GPC6: variants seen among roughly 807,000 people sequenced by gnomAD.
GPC6 encodes glypican-6.
Under a neutral mutation model 55.2 loss-of-function variants are expected in GPC6, and 14 were observed. The ratio of observed to expected loss-of-function variants is 0.25; its 90% CI spans 0.17 to 0.40. The LOEUF (loss-of-function observed/expected upper bound fraction) is 0.40. GPC6 is among the 10% of genes least tolerant of loss of function. The pLI is 1.00. For missense variants in GPC6, 641 were observed against 708.5 expected, an observed-to-expected ratio of 0.90 and a Z score of 1.08; for synonymous variants, 278 against 259.6, an observed-to-expected ratio of 1.07 and a Z score of -0.68.
At chr13:94,194,853 A>G (rs1889515496) in intron 4 of GPC6, among the ~76,000 whole-genome samples, 1 of 151,810 alleles carries the variant, frequency 6.6e-6, no homozygotes, top group South Asian at 2.1e-4. Context: ...TGTGTTGTGT[A>G]TCTGTGTATG....
At chr13:93,895,240 A>G (rs201139091) in intron 3 of GPC6, among the ~76,000 whole-genome samples, 7,200 of 49,264 alleles carry the variant, frequency 0.15, 792 homozygotes, top group East Asian at 0.35. Flanking sequence ...GTGTGTATAT[A>G]TATATATATA....
At chr13:94,380,502 G>A (rs1443854892) in intron 6 of GPC6, among the ~76,000 whole-genome samples, 1 of 151,878 alleles carries the variant, frequency 6.6e-6, no homozygotes, top group African/African-American at 2.4e-5. Context: ...TCTTCATCTA[G>A]CTTTGCCGGA....
At position 93,727,922 on chromosome 13, in the gene GPC6, T is replaced by A. The variant is rs576717708; in HGVS notation, c.320-102232T>A. Among the ~76,000 whole-genome samples the A allele has an allele frequency of 3.3e-5, 5 of 152,088 alleles. No homozygotes were observed. In the South Asian group the frequency reaches 1.0e-3, roughly 32 times the overall value. ...CTTCCTGGCTGCTTCACAGAGAGAG[T>A]CACTATCCCCTCTAGCCTGTTTGCT... On this transcript the variant is annotated intron_variant, in intron 2 of 8. Transcript: ENST00000377047.
At chr13:93,278,646 G>T (rs1358737852) in intron 1 of GPC6, among the ~76,000 whole-genome samples, 2 of 152,012 alleles carry the variant, frequency 1.3e-5, no homozygotes, top group Admixed American at 1.3e-4. Context: ...TTTAATTAGT[G>T]TCATGAATTT....
chr13:94,308,574 A>C (rs1479059479), intron 6 of GPC6, among the ~76,000 whole-genome samples: 2 of 152,238 alleles, frequency 1.3e-5, no homozygotes, highest in African/African-American at 2.4e-5. Context: ...TAAATCAATA[A>C]GCCAATTTTA....
intron 3 of GPC6, among the ~76,000 whole-genome samples, chr13:93,887,788 C>A (rs193126571): frequency 1.3e-5 from 2 of 152,230 alleles, no homozygotes; most frequent in African/African-American, 4.8e-5. Flanking sequence ...GTTTGGATTT[C>A]TCATTGTGTA....
At chr13:93,949,993 G>A (rs1398604081) in intron 3 of GPC6, among the ~76,000 whole-genome samples, 2 of 152,140 alleles carry the variant, frequency 1.3e-5, no homozygotes, top group African/African-American at 4.8e-5. Context: ...CTCCCAAAGT[G>A]GACTACAGAC....
intron 2 of GPC6, among the ~76,000 whole-genome samples, chr13:93,660,260 A>G (rs1039298458): frequency 1.3e-5 from 2 of 151,904 alleles, no homozygotes; most frequent in Non-Finnish European, 2.9e-5. Context: ...TTATGAACCA[A>G]TTTTCCTGGC....
chr13:93,261,176 A>G (rs1185673766), intron 1 of GPC6, among the ~76,000 whole-genome samples: 1 of 152,154 alleles, frequency 6.6e-6, no homozygotes, highest in Admixed American at 6.6e-5. Flanking sequence ...AGCCAATTCT[A>G]TGAGATATGG....
intron 1 of GPC6, among the ~76,000 whole-genome samples, chr13:93,341,107 A>G (rs888940837): frequency 6.6e-6 from 1 of 152,204 alleles, no homozygotes; most frequent in South Asian, 2.1e-4. Context: ...ATAGCTGAGC[A>G]GTATTCCATG....
intron 2 of GPC6, among the ~76,000 whole-genome samples, chr13:93,646,162 C>T (rs1024127940): frequency 1.3e-5 from 2 of 152,094 alleles, no homozygotes; most frequent in Admixed American, 6.6e-5. Context: ...TTTATATTAT[C>T]TGCAGTCATA....
chr13:93,438,164 G>A (rs899208490), intron 1 of GPC6, among the ~76,000 whole-genome samples: 1 of 152,112 alleles, frequency 6.6e-6, no homozygotes, highest in African/African-American at 2.4e-5. Flanking sequence ...CATTGACAAT[G>A]CACCTGGTCA....
At chr13:93,655,256 C>T (rs890261638) in intron 2 of GPC6, among the ~76,000 whole-genome samples, 1 of 152,066 alleles carries the variant, frequency 6.6e-6, no homozygotes, top group Admixed American at 6.6e-5. Context: ...AACACAAATG[C>T]TTTCATTGCC....
chr13:93,274,995 A>T (rs1041296889), intron 1 of GPC6, among the ~76,000 whole-genome samples: 12 of 152,206 alleles, frequency 7.9e-5, no homozygotes, highest in African/African-American at 2.7e-4. Flanking sequence ...GGAAAGACTG[A>T]ATCACAAGAT....
At chr13:94,004,712 A>G (rs532779874) in intron 3 of GPC6, among the ~76,000 whole-genome samples, 34 of 152,260 alleles carry the variant, frequency 2.2e-4, no homozygotes, top group Admixed American at 3.3e-4. Flanking sequence ...CAGGAAGGTT[A>G]AAATCAGACT....
In GPC6 at chr13:94,403,327, C is replaced by T. The variant is rs1881232429; in HGVS notation, c.*110C>T. The T allele has an allele frequency of 7.4e-6, 6 of 815,876 alleles. No homozygotes were observed. In the African/African-American group the frequency reaches 8.4e-5, roughly 11 times the overall value. 50.5% of individuals were successfully genotyped at this position (815,876 alleles called of 1,614,324 possible). A position where few individuals can be genotyped will look rare whatever the true frequency, so the allele number is the denominator to read the frequency against. On this transcript the variant is annotated 3_prime_UTR_variant, in exon 9 of 9. Coordinates refer to ENST00000377047, the MANE Select transcript of GPC6 (RefSeq NM_005708.5). ...CCATGCCACAAAAACTTACCGTTTT[C>T]TATGAGAAGAGAGCAGTAATGCAAT...
intron 4 of GPC6, among the ~76,000 whole-genome samples, chr13:94,089,702 C>A (rs1885411185): frequency 6.6e-6 from 1 of 152,110 alleles, no homozygotes. Context: ...AGAGCTGAAA[C>A]AAGAAGGTAG....
intron 2 of GPC6, among the ~76,000 whole-genome samples, chr13:93,822,276 G>C (rs867794838): frequency 1.3e-5 from 2 of 152,040 alleles, no homozygotes; most frequent in African/African-American, 2.4e-5. Flanking sequence ...GCCAGTCACT[G>C]TTCTATACAC....
intron 2 of GPC6, among the ~76,000 whole-genome samples, chr13:93,562,977 A>T (rs1875888491): frequency 1.3e-5 from 2 of 152,218 alleles, no homozygotes; most frequent in Admixed American, 6.5e-5. Context: ...TCCATAAGGA[A>T]AACAAATCTA....
Sources: allele counts gnomAD v4.1 joint callset (sites outside exome capture counted in the v4.1 genomes callset), GRCh38; gene constraint gnomAD v4.1.1; transcripts MANE v1.5; gene names NCBI Gene and HGNC (gene_info 2026-07-23, HGNC 2026-07-21).